KCNH1: variants seen among roughly 807,000 people sequenced by gnomAD.
KCNH1 encodes the protein potassium voltage-gated channel subfamily H member 1.
Under a neutral mutation model 69.2 loss-of-function variants are expected in KCNH1, and 27 were observed. The ratio of observed to expected loss-of-function variants is 0.39; its 90% confidence interval spans 0.29 to 0.54. The LOEUF (loss-of-function observed/expected upper bound fraction) is 0.54. Among genes scored for constraint, KCNH1 ranks in the 20% least tolerant of loss-of-function variants. KCNH1 has a pLI of 0.68. For synonymous variants in KCNH1, 456 were observed against 487.7 expected, an observed-to-expected ratio of 0.93 and a Z score of 0.86; for missense variants, 798 against 1,261.6, an observed-to-expected ratio of 0.63 and a Z score of 5.57.
chr1:210,818,860 T>A (rs1280900693), intron 7 of KCNH1, among the ~76,000 whole-genome samples: 1 of 152,206 alleles, frequency 6.6e-6, no homozygotes, highest in African/African-American at 2.4e-5. Flanking sequence ...CTAAAAATTA[T>A]GTTTTCTCAG....
At chr1:211,089,821 G>A (rs1167972717) in intron 4 of KCNH1, among the ~76,000 whole-genome samples, 17 of 152,208 alleles carry the variant, frequency 1.1e-4, no homozygotes, top group Admixed American at 1.1e-3. Flanking sequence ...GGATGTGAAA[G>A]AGGTGCTATG....
intron 5 of KCNH1, among the ~76,000 whole-genome samples, chr1:211,053,756 A>T (rs573102063): frequency 1.3e-5 from 2 of 152,246 alleles, no homozygotes; most frequent in East Asian, 3.9e-4. Context: ...CCACAATCAG[A>T]TGCCTCATCA....
chr1:210,867,560 C>A (rs1316785524), intron 7 of KCNH1, among the ~76,000 whole-genome samples: 1 of 151,916 alleles, frequency 6.6e-6, no homozygotes, highest in Non-Finnish European at 1.5e-5. Context: ...ACAAAGTACT[C>A]CCATTTCAGT....
At chr1:210,913,727 G>A (rs1687281299) in intron 7 of KCNH1, among the ~76,000 whole-genome samples, 2 of 152,228 alleles carry the variant, frequency 1.3e-5, no homozygotes, top group South Asian at 4.1e-4. Context: ...AAGAAGGAAA[G>A]TTGAGGCTGA....
rs1364071822 is a variant in KCNH1 at position 210,924,910 on chromosome 1, A to G, written c.1033-4841T>C. On this transcript the variant is annotated intron_variant, in intron 6 of 10. Transcript: ENST00000271751. ...AATGACATTGACTATAGCAAAAAAA[A>G]AAAAAAAATTTGGAGACTACACTCC... Among the ~76,000 whole-genome samples, 6 of 152,086 alleles carry G rather than the reference A, an allele frequency of 3.9e-5. 1 individual carries two copies. The South Asian group carries it at 6.2e-4, about 16-fold the overall frequency.
At chr1:210,981,372 C>CAAAAAAAAAAAAA (rs10684074) in intron 6 of KCNH1, among the ~76,000 whole-genome samples, 9 of 85,486 alleles carry the variant, frequency 1.1e-4, no homozygotes, top group Admixed American at 1.5e-4. Context: ...GTAACAACGA[C>CAAAAAAAAAAAAA]AAAAAAAAAA....
At chr1:210,799,522 T>C (rs1033477818) in intron 8 of KCNH1, among the ~76,000 whole-genome samples, 1 of 152,178 alleles carries the variant, frequency 6.6e-6, no homozygotes, top group Non-Finnish European at 1.5e-5. Context: ...GAGGGAGAAA[T>C]ATTTCTCTGG....
intron 10 of KCNH1, among the ~76,000 whole-genome samples, chr1:210,744,736 G>C (rs962907775): frequency 6.6e-6 from 1 of 152,158 alleles, no homozygotes; most frequent in African/African-American, 2.4e-5. Context: ...GTGGGGTCAT[G>C]AATTTACCTT....
chr1:210,695,148 C>A (rs1191790536), intron 10 of KCNH1, among the ~76,000 whole-genome samples: 1 of 152,206 alleles, frequency 6.6e-6, no homozygotes, highest in Non-Finnish European at 1.5e-5. Context: ...ATGGATGGGG[C>A]CACCAGGCCA....
At chr1:211,033,620 T>C (rs1420424585) in intron 5 of KCNH1, among the ~76,000 whole-genome samples, 2 of 151,890 alleles carry the variant, frequency 1.3e-5, no homozygotes, top group African/African-American at 2.4e-5. Context: ...TGTAGGGAAA[T>C]GGATGAAACT....
chr1:210,693,694 G>GCATCATCTTA (rs1047651471), intron 10 of KCNH1, among the ~76,000 whole-genome samples: 1 of 152,162 alleles, frequency 6.6e-6, no homozygotes, highest in Admixed American at 6.5e-5. Flanking sequence ...ATGAAGACTG[G>GCATCATCTTA]CATCATCTTA....
intron 6 of KCNH1, among the ~76,000 whole-genome samples, chr1:210,986,061 G>A (rs752116243): frequency 6.6e-6 from 1 of 151,960 alleles, no homozygotes; most frequent in African/African-American, 2.4e-5. Context: ...CTCTTTTGAT[G>A]TTTGTTGGTT....
chr1:211,101,927 G>C (rs997969772), intron 3 of KCNH1, among the ~76,000 whole-genome samples: 3 of 152,144 alleles, frequency 2.0e-5, no homozygotes, highest in Non-Finnish European at 4.4e-5. Context: ...CCATAAAGTA[G>C]AACCTGATGC....
chr1:211,128,272 G>A (rs1691816896), intron 1 of KCNH1, among the ~76,000 whole-genome samples: 1 of 133,278 alleles, frequency 7.5e-6, no homozygotes, highest in African/African-American at 2.9e-5. Context: ...GACAAAGTGA[G>A]ATTCTGTCTC....
chr1:210,853,502 C>A (rs2102469722), intron 7 of KCNH1, among the ~76,000 whole-genome samples: 1 of 152,284 alleles, frequency 6.6e-6, no homozygotes, highest in Admixed American at 6.5e-5. Context: ...GATCTCAAAT[C>A]CCCCAGAGAA....
At position 210,730,940 on chromosome 1, in the gene KCNH1, G is replaced by C. The variant is rs186352128; in HGVS notation, c.2112+44408C>G. 8.2e-3 allele frequency among the ~76,000 whole-genome samples: 1,256 copies of C among 152,252 alleles called. 8 individuals carry two copies. Among genetic ancestry groups the C allele is most frequent in the Middle Eastern group, 0.031 (9 of 294 alleles). ...CTCTCCTCTGGACACCAACCAGGCA[G>C]GTATCTGGGCATTAACTTTACTTGT... On this transcript the variant is annotated intron_variant, in intron 10 of 10. Transcript: ENST00000271751.
chr1:210,770,032 T>C (rs1316069275), intron 10 of KCNH1, among the ~76,000 whole-genome samples: 26 of 152,176 alleles, frequency 1.7e-4, no homozygotes, highest in Non-Finnish European at 1.5e-5. Flanking sequence ...TAAAAAAGAA[T>C]GAGTTCATGT....
intron 9 of KCNH1, among the ~76,000 whole-genome samples, chr1:210,786,687 T>G (rs1173722041): frequency 6.6e-6 from 1 of 152,178 alleles, no homozygotes; most frequent in Non-Finnish European, 1.5e-5. Flanking sequence ...AATCTCCCAC[T>G]GGCTACTTTC....
At chr1:210,960,304 A>C (rs1338298021) in intron 6 of KCNH1, among the ~76,000 whole-genome samples, 1 of 152,112 alleles carries the variant, frequency 6.6e-6, no homozygotes, top group Admixed American at 6.6e-5. Context: ...TTTACATAAA[A>C]ATTTACTGAG....
Sources: gnomAD v4.1 joint callset for allele counts (sites outside exome capture counted in the v4.1 genomes callset) on GRCh38, gnomAD v4.1.1 for gene constraint, MANE v1.5 for transcripts, NCBI Gene and HGNC (gene_info 2026-07-23, HGNC 2026-07-21) for gene names.